HIVEP1: variants seen among roughly 807,000 people sequenced by gnomAD.
The protein encoded by HIVEP1 is zinc finger protein 40.
In HIVEP1, 36 loss-of-function variants were observed where a neutral mutation model predicts 180.0. The ratio of observed to expected loss-of-function variants is 0.20; its 90% CI spans 0.15 to 0.26. The LOEUF (loss-of-function observed/expected upper bound fraction) is 0.26, where lower values mean the gene tolerates loss of function less well. Among genes scored for constraint, HIVEP1 ranks in the 10% least tolerant of loss-of-function variants. The pLI, the probability that HIVEP1 is intolerant of heterozygous loss-of-function variation, is 1.00. For synonymous variants in HIVEP1, 1,239 were observed against 1,239.0 expected (o/e 1.00, Z 0.00); for missense variants, 3,143 against 3,268.7 (o/e 0.96, Z 0.94).
At chr6:12,189,562 G>A in the HIVEP1 span, among the ~76,000 whole-genome samples, 1 of 152,040 alleles carries the variant, frequency 6.6e-6, no homozygotes, top group Non-Finnish European at 1.5e-5. Flanking sequence ...AATGTCAACT[G>A]GAATTTCTGT....
At chr6:12,025,788 C>G (rs537403055) in intron 2 of HIVEP1, among the ~76,000 whole-genome samples, 1 of 152,288 alleles carries the variant, frequency 6.6e-6, no homozygotes, top group Non-Finnish European at 1.5e-5. Flanking sequence ...GCCTGTAATC[C>G]CAGCACTTTG....
chr6:12,123,917 G>T lies in HIVEP1; in HGVS notation c.4122G>T (p.Thr1374=), dbSNP rs756416238. The change falls in exon 4 of 9, where the codon ACG becomes ACT. Residue 1374 remains threonine, a synonymous_variant. Coordinates refer to ENST00000379388, the MANE Select transcript of HIVEP1 (RefSeq NM_002114.4). ...CTGCATCAGAACAGATTAATTGCAC[G>T]CAAACGTCAATGGAGGTCTCTGATC... ...RRTASEQINC[T]QTSMEVSDLR... The T allele has an allele frequency of 6.2e-7, 1 of 1,613,962 alleles. No individual in the cohort carries two copies. The highest frequency in any genetic ancestry group is 8.5e-7 in the Non-Finnish European group (1 of 1,179,976).
At chr6:12,037,378 C>T (rs191471584) in intron 2 of HIVEP1, among the ~76,000 whole-genome samples, 15 of 152,254 alleles carry the variant, frequency 9.9e-5, no homozygotes, top group Admixed American at 5.9e-4. Flanking sequence ...TCAGTTTCTT[C>T]GTGTGTTTGC....
chr6:12,054,690 T>A (rs1027466298), intron 2 of HIVEP1, among the ~76,000 whole-genome samples: 3 of 152,356 alleles, frequency 2.0e-5, no homozygotes, highest in South Asian at 4.1e-4. Context: ...GTTATTAGTT[T>A]GTTTCCATTT....
downstream of HIVEP1, among the ~76,000 whole-genome samples, chr6:12,166,062 T>C (rs186556307): frequency 6.6e-6 from 1 of 152,222 alleles, no homozygotes; most frequent in Admixed American, 6.5e-5. Context: ...TTTTATATTC[T>C]GAGATAGCTT....
downstream of HIVEP1, among the ~76,000 whole-genome samples, chr6:12,169,072 A>G (rs1372798566): frequency 6.6e-6 from 1 of 152,132 alleles, no homozygotes; most frequent in Non-Finnish European, 1.5e-5. Context: ...TTTTTAGTAG[A>G]GATGGGGTTT....
Position 12,161,531 on chromosome 6 carries a change from G to A in HIVEP1, c.6580G>A (p.Asp2194Asn), listed in dbSNP as rs769286415. 17 of 1,614,154 alleles carry A rather than the reference G, an allele frequency of 1.1e-5. No individual in the cohort carries two copies. In the Admixed American group the frequency reaches 1.3e-4, roughly 13 times the overall value. ...DEDDNENEDD[D>N]EDSQAESVLS... ...GGATGACAATGAAAATGAAGACGAT[G>A]ATGAGGACAGCCAGGCTGAATCAGT... The change falls in exon 8 of 9, where the codon GAT becomes AAT. Residue 2194 changes from aspartate (D) to asparagine (N), a missense_variant. Physicochemically the swap from Asp to Asn is conservative, Grantham distance 23. Coordinates refer to ENST00000379388, the MANE Select transcript of HIVEP1 (RefSeq NM_002114.4).
At chr6:12,119,465 A>G (rs565718948) in intron 3 of HIVEP1, among the ~76,000 whole-genome samples, 1 of 152,240 alleles carries the variant, frequency 6.6e-6, no homozygotes, top group Non-Finnish European at 1.5e-5. Flanking sequence ...TTTTGTTACA[A>G]GCAGAGGGAG....
intron 2 of HIVEP1, among the ~76,000 whole-genome samples, chr6:12,017,619 C>T (rs533212490): frequency 2.7e-5 from 4 of 149,994 alleles, no homozygotes; most frequent in South Asian, 2.1e-4. Context: ...TACAGAGAGC[C>T]GATTGGTCTG....
chr6:12,099,811 G>A (rs116060825), intron 3 of HIVEP1, among the ~76,000 whole-genome samples: 6,495 of 152,238 alleles, frequency 0.043, 219 homozygotes, highest in Admixed American at 0.11. Context: ...TAAACAGTGC[G>A]TTATTATTGC....
At chr6:12,011,738 G>T (rs1767325234), upstream of HIVEP1, among the ~76,000 whole-genome samples, 1 of 148,360 alleles carries the variant, frequency 6.7e-6, no homozygotes, top group Non-Finnish European at 1.5e-5. Context: ...CCGGGTTCGT[G>T]CCGGGCCGGG....
rs754855488 is a variant in HIVEP1 at position 12,046,562 on chromosome 6, C to T, written c.40+30894C>T. ...TTGGGAGGCTGAGGTGGGTGGATCA[C>T]GAGGTCAAGAGATCGAGACAATCCT... On this transcript the variant is annotated intron_variant, in intron 2 of 8. Coordinates refer to ENST00000379388, the MANE Select transcript of HIVEP1 (RefSeq NM_002114.4). 1.3e-3 allele frequency among the ~76,000 whole-genome samples: 200 copies of T among 152,124 alleles called. 1 individual carries two copies. Among genetic ancestry groups the T allele is most frequent in the Non-Finnish European group, 2.3e-3 (158 of 67,972 alleles).
At chr6:12,140,460 C>T (rs1423017172) in intron 7 of HIVEP1, among the ~76,000 whole-genome samples, 2 of 152,224 alleles carry the variant, frequency 1.3e-5, no homozygotes, top group Non-Finnish European at 1.5e-5. Context: ...AGACCCTCTT[C>T]TCTTCCAAAA....
rs557545084 is a variant in HIVEP1 at position 12,154,815 on chromosome 6, A to T, written c.6488-6624A>T. On this transcript the variant is annotated intron_variant, in intron 7 of 8. Transcript: ENST00000379388. ...CCACATGTATCCCTGAACTTAAAGT[A>T]TAATAAATTTTTTAAAAATTGTGTG... Among the ~76,000 whole-genome samples, 93 of 152,324 alleles carry T rather than the reference A, an allele frequency of 6.1e-4. 2 individuals are homozygous for T. In the South Asian group the frequency reaches 0.018, roughly 30 times the overall value.
intron 2 of HIVEP1, among the ~76,000 whole-genome samples, chr6:12,049,935 A>G (rs1770388871): frequency 6.6e-6 from 1 of 152,174 alleles, no homozygotes; most frequent in African/African-American, 2.4e-5. Flanking sequence ...ATTACAAGGT[A>G]TTCACCAAAT....
At position 12,120,633 on chromosome 6, in the gene HIVEP1, G is replaced by A; in HGVS notation, c.838G>A (p.Ala280Thr). Residue 280 changes from alanine (A) to threonine (T), a missense_variant, in exon 4 of 9, where the codon GCT becomes ACT. This residue lies in a region of HIVEP1 where 306 missense variants were observed against 310.6 expected (regional missense o/e 0.99). Coordinates refer to ENST00000379388, the MANE Select transcript of HIVEP1 (RefSeq NM_002114.4). ...QKNEQGAMQS[A>T]SHLYHQHEHF... Reference sequence around the variant, plus strand: ...GAATGAGCAAGGGGCAATGCAGTCAGCTTCTCATTTGTATCATCAACATGA... The same window carrying A: ...GAATGAGCAAGGGGCAATGCAGTCAACTTCTCATTTGTATCATCAACATGA... The A allele has an allele frequency of 6.2e-7, 1 of 1,614,162 alleles. No individual in the cohort carries two copies. The highest frequency in any genetic ancestry group is 8.5e-7 in the Non-Finnish European group (1 of 1,180,016).
chr6:12,082,780 T>C (rs1772872106), intron 2 of HIVEP1, among the ~76,000 whole-genome samples: 2 of 152,180 alleles, frequency 1.3e-5, no homozygotes, highest in African/African-American at 4.8e-5. Context: ...CCTAAGTTCC[T>C]GCATGCAGGG....
chr6:12,081,099 A>T (rs1454454123), intron 2 of HIVEP1, among the ~76,000 whole-genome samples: 1 of 151,820 alleles, frequency 6.6e-6, no homozygotes, highest in African/African-American at 2.4e-5. Context: ...CATCAGATGA[A>T]CTCCTCTCTA....
intron 6 of HIVEP1, among the ~76,000 whole-genome samples, chr6:12,135,101 C>T (rs1334245496): frequency 6.6e-6 from 1 of 152,204 alleles, no homozygotes; most frequent in Non-Finnish European, 1.5e-5. Flanking sequence ...GCTTACCTGT[C>T]CTGAGATAGC....
Sources: allele counts gnomAD v4.1 joint callset (sites outside exome capture counted in the v4.1 genomes callset), GRCh38; gene constraint gnomAD v4.1.1; regional missense constraint gnomAD v4.1.1; transcripts MANE v1.5; gene names NCBI Gene and HGNC (gene_info 2026-07-23, HGNC 2026-07-21).